The following ZPLD1 variants were observed in gnomAD, a reference collection of about 807,000 sequenced individuals.
The protein encoded by ZPLD1 is zona pellucida-like domain-containing protein 1.
ZPLD1 carries 34 observed loss-of-function variants against 47.2 expected under a neutral mutation model. The ratio of observed to expected loss-of-function variants is 0.72; its 90% CI spans 0.55 to 0.96. The LOEUF (loss-of-function observed/expected upper bound fraction) is 0.96. Ranked by LOEUF, ZPLD1 falls within the 40% of genes least tolerant of loss-of-function variation. The pLI, the probability that ZPLD1 is intolerant of heterozygous loss-of-function variation, is 0.00. For synonymous variants in ZPLD1, 176 were observed against 186.2 expected (o/e 0.95, Z 0.45); for missense variants, 512 against 505.8 (o/e 1.01, Z -0.12).
chr3:102,450,751 T>G (rs1042265059), intron 3 of ZPLD1, among the ~76,000 whole-genome samples: 5 of 152,066 alleles, frequency 3.3e-5, no homozygotes, highest in Admixed American at 2.6e-4. Flanking sequence ...AGGGGAGAGA[T>G]AATGATGTCA....
intron 8 of ZPLD1, among the ~76,000 whole-genome samples, chr3:102,468,645 ATGAGAATGAAAATAAG>A (rs1417262361): frequency 6.6e-6 from 1 of 152,230 alleles, no homozygotes; most frequent in Non-Finnish European, 1.5e-5. Context: ...ATGAAAATAA[ATGAGAATGAAAATAAG>A]TGAGATCACC....
intron 10 of ZPLD1, among the ~76,000 whole-genome samples, chr3:102,471,675 T>C (rs144407222): frequency 1.1e-3 from 161 of 152,336 alleles, no homozygotes; most frequent in African/African-American, 3.6e-3. Context: ...ACTCTGAAAC[T>C]AAGGCCGGAA....
intron 4 of ZPLD1, among the ~76,000 whole-genome samples, chr3:102,455,276 G>C (rs1707395917): frequency 6.6e-6 from 1 of 152,174 alleles, no homozygotes; most frequent in African/African-American, 2.4e-5. Context: ...GAAGAAGCTA[G>C]AAGAACTCTC....
intron 6 of ZPLD1, among the ~76,000 whole-genome samples, chr3:102,458,290 T>C (rs1247140078): frequency 2.6e-5 from 4 of 152,224 alleles, no homozygotes; most frequent in Non-Finnish European, 5.9e-5. Context: ...ATTTTCAATA[T>C]GGGTTTTGGC....
chr3:102,456,229 G>T lies in ZPLD1; in HGVS notation c.364G>T (p.Ala122Ser). 2 of 1,613,446 alleles carry T rather than the reference G, an allele frequency of 1.2e-6. No individual in the cohort carries two copies. Among genetic ancestry groups the T allele is most frequent in the Non-Finnish European group, 1.7e-6 (2 of 1,179,788 alleles). The change falls in exon 5 of 12, where the codon GCA becomes TCA. Residue 122 changes from alanine to serine, a missense_variant. Physicochemically the swap from Ala to Ser is moderately conservative, Grantham distance 99. Transcript: ENST00000466937. ...TCCTGGAGTCAGTGCTTATGGAAATGCAACTTCAGTGCAAGTAGGAAATAT... is the reference window on the plus strand; with the variant it reads ...TCCTGGAGTCAGTGCTTATGGAAATTCAACTTCAGTGCAAGTAGGAAATAT... ...TIPGVSAYGN[A>S]TSVQVGNISG...
chr3:102,472,810 CT>C (rs1707704981), intron 10 of ZPLD1, among the ~76,000 whole-genome samples: 1 of 152,188 alleles, frequency 6.6e-6, no homozygotes, highest in Admixed American at 6.5e-5. Context: ...TTCTTACTTC[CT>C]TCTTGCCTAT....
intron 8 of ZPLD1, among the ~76,000 whole-genome samples, chr3:102,425,677 C>T (rs895660438): frequency 1.3e-4 from 20 of 152,006 alleles, no homozygotes; most frequent in African/African-American, 4.3e-4. Flanking sequence ...TGTCTTACAT[C>T]CCCAACTTTG....
chr3:102,447,613 T>C (rs1707277923), intron 3 of ZPLD1, among the ~76,000 whole-genome samples: 1 of 152,186 alleles, frequency 6.6e-6, no homozygotes, highest in Non-Finnish European at 1.5e-5. Context: ...TTAAGCATTC[T>C]GATGCTAGTG....
chr3:102,418,807 C>G (rs1204909352), intron 8 of ZPLD1, among the ~76,000 whole-genome samples: 4 of 151,936 alleles, frequency 2.6e-5, no homozygotes, highest in Non-Finnish European at 5.9e-5. Flanking sequence ...AAAAATTATT[C>G]TAATGATTGG....
At position 102,437,819 on chromosome 3, in the gene ZPLD1, C is replaced by A. The variant is rs1707113921; in HGVS notation, c.-8-661C>A. On this transcript the variant is annotated intron_variant, in intron 2 of 11. Coordinates refer to ENST00000466937, the MANE Select transcript of ZPLD1 (RefSeq NM_001329788.2). ...TTTCTTATGTCTGTATCAGTCCTTA[C>A]TACCCACCAAGGAGCAGTTGTGGGA... Among the ~76,000 whole-genome samples, 2 of 152,228 alleles carry A rather than the reference C, an allele frequency of 1.3e-5. 1 individual carries two copies. The highest frequency in any genetic ancestry group is 4.1e-4 in the South Asian group (2 of 4,832).
At chr3:102,468,868 A>G (rs1707637970) in intron 8 of ZPLD1, 96 bp from the exon 9 acceptor site, 1 of 1,172,368 alleles carries the variant, frequency 8.5e-7, no homozygotes, top group Admixed American at 2.4e-5. Context: ...CTCTTAATGT[A>G]ATGGCGGAGT....
At chr3:102,445,483 T>A (rs534359355) in intron 3 of ZPLD1, among the ~76,000 whole-genome samples, 1 of 152,334 alleles carries the variant, frequency 6.6e-6, no homozygotes, top group South Asian at 2.1e-4. Context: ...CTATGAGCTA[T>A]CTTCTGTCCA....
chr3:102,459,541 A>G (rs1443724370), intron 6 of ZPLD1, among the ~76,000 whole-genome samples: 11 of 152,222 alleles, frequency 7.2e-5, no homozygotes, highest in Non-Finnish European at 1.0e-4. Context: ...CTAACAAGGT[A>G]TAATCCTTAA....
chr3:102,415,326 G>T (rs1706793465), intron 7 of ZPLD1, among the ~76,000 whole-genome samples: 1 of 151,794 alleles, frequency 6.6e-6, no homozygotes, highest in Admixed American at 6.6e-5. Flanking sequence ...AAGTGATCTG[G>T]GCCAGGGTGG....
intron 3 of ZPLD1, among the ~76,000 whole-genome samples, chr3:102,452,034 C>A (rs1707344974): frequency 6.6e-6 from 1 of 151,770 alleles, no homozygotes; most frequent in African/African-American, 2.4e-5. Flanking sequence ...TAGGGAATTA[C>A]CTACCAGCCA....
chr3:102,404,602 A>T (rs1345153111), intron 7 of ZPLD1, among the ~76,000 whole-genome samples: 1 of 151,986 alleles, frequency 6.6e-6, no homozygotes, highest in Non-Finnish European at 1.5e-5. Flanking sequence ...ATTCGATGTA[A>T]CATATGATGG....
intron 8 of ZPLD1, among the ~76,000 whole-genome samples, chr3:102,467,694 G>A (rs1157393597): frequency 2.6e-5 from 4 of 151,814 alleles, no homozygotes; most frequent in Admixed American, 2.6e-4. Flanking sequence ...TAATTTAAAG[G>A]TAAAAACTAC....
chr3:102,465,546 G>GT (rs1420577112), intron 8 of ZPLD1, among the ~76,000 whole-genome samples: 2 of 152,110 alleles, frequency 1.3e-5, no homozygotes, highest in Admixed American at 6.6e-5. Flanking sequence ...GCTCACAGTG[G>GT]TTTTTTATGC....
intron 7 of ZPLD1, among the ~76,000 whole-genome samples, chr3:102,416,105 CT>C (rs1706801444): frequency 6.6e-6 from 1 of 151,906 alleles, no homozygotes. Context: ...AGAAATCTCC[CT>C]GATAAGGGGC....
Sources: gnomAD v4.1 joint callset for allele counts (sites outside exome capture counted in the v4.1 genomes callset) on GRCh38, gnomAD v4.1.1 for gene constraint, MANE v1.5 for transcripts, NCBI Gene and HGNC (gene_info 2026-07-23, HGNC 2026-07-21) for gene names.